The following KALRN variants were observed in gnomAD, a reference collection of about 807,000 sequenced individuals.
KALRN encodes kalirin RhoGEF kinase.
In KALRN, 70 loss-of-function variants were observed where a neutral mutation model predicts 353.7. That is an observed-to-expected ratio of 0.20 (90% confidence interval 0.16 to 0.24). KALRN has a LOEUF of 0.24. Among genes scored for constraint, KALRN ranks in the 10% least tolerant of loss-of-function variants. The pLI is 1.00. For missense variants in KALRN, 2,791 were observed against 3,756.7 expected, an observed-to-expected ratio of 0.74 and a Z score of 6.72; for synonymous variants, 1,391 against 1,434.8, an observed-to-expected ratio of 0.97 and a Z score of 0.69.
Position 124,697,613 on chromosome 3 carries a change from C to A in KALRN, c.7720C>A (p.Arg2574Ser), listed in dbSNP as rs369528078. The A allele has an allele frequency of 1.2e-6, 2 of 1,609,420 alleles. No individual in the cohort carries two copies. Among genetic ancestry groups the A allele is most frequent in the African/African-American group, 1.3e-5 (1 of 74,714 alleles). ...KVQGVPAAPN[R>S]PIAQERSCTS... ...CATAGGTGTTCCAGCAGCCCCTAAC[C>A]GCCCCATTGCCCAGGAGAGAAGCTG... Residue 2574 changes from arginine to serine, a missense_variant, in exon 55 of 60, where the codon CGC becomes AGC. Coordinates refer to ENST00000682506, the MANE Select transcript of KALRN (RefSeq NM_001388419.1).
At chr3:124,298,226 T>C (rs751531588) in intron 5 of KALRN, among the ~76,000 whole-genome samples, 2 of 152,316 alleles carry the variant, frequency 1.3e-5, no homozygotes, top group Admixed American at 6.5e-5. Flanking sequence ...GTGGTACTTA[T>C]ACTACGCTTA....
At chr3:124,685,393 G>GTGA (rs1475264717) in intron 51 of KALRN, among the ~76,000 whole-genome samples, 8 of 152,122 alleles carry the variant, frequency 5.3e-5, no homozygotes, top group Admixed American at 2.6e-4. Context: ...CAATTGCCCT[G>GTGA]TGAAGTAAGT....
At chr3:124,592,309 C>CAA (rs10575664) in intron 34 of KALRN, among the ~76,000 whole-genome samples, 9 of 120,652 alleles carry the variant, frequency 7.5e-5, no homozygotes, top group African/African-American at 1.2e-4. Context: ...CTCAAAGAAA[C>CAA]AAAAAAAAAA....
intron 5 of KALRN, among the ~76,000 whole-genome samples, chr3:124,291,176 G>A (rs1399719372): frequency 6.6e-6 from 1 of 152,196 alleles, no homozygotes. Flanking sequence ...TGTAGGAGCT[G>A]CCATGGCTTA....
At chr3:124,357,771 A>G (rs1341195818) in intron 10 of KALRN, among the ~76,000 whole-genome samples, 1 of 152,140 alleles carries the variant, frequency 6.6e-6, no homozygotes, top group Non-Finnish European at 1.5e-5. Flanking sequence ...TATCCTCACT[A>G]TCTGGCTGGA....
At chr3:124,709,196 A>G (rs1037969340) in intron 57 of KALRN, among the ~76,000 whole-genome samples, 1 of 152,226 alleles carries the variant, frequency 6.6e-6, no homozygotes, top group Non-Finnish European at 1.5e-5. Flanking sequence ...AAAAGATAAT[A>G]TTGAAATTAC....
At chr3:124,053,440 C>T (rs982766642) in intron 1 of KALRN, among the ~76,000 whole-genome samples, 1 of 152,154 alleles carries the variant, frequency 6.6e-6, no homozygotes, top group Non-Finnish European at 1.5e-5. Context: ...AAGTCTCAGA[C>T]AATCTCCAGG....
rs115058977 is a variant in KALRN, at chr3:124,582,317, A to C, written c.5182+19228A>C. ...ATTACAAGCGTGAGCCACTGCGCCC[A>C]GCCAACATGAGCAATTTGAACTGTA... On this transcript the variant is annotated intron_variant, in intron 34 of 59. Coordinates refer to ENST00000682506, the MANE Select transcript of KALRN (RefSeq NM_001388419.1). 7.9e-3 allele frequency among the ~76,000 whole-genome samples: 1,199 copies of C among 152,300 alleles called. 15 individuals carry two copies. The highest frequency in any genetic ancestry group is 0.026 in the African/African-American group (1,065 of 41,562).
chr3:124,073,265 T>G (rs2060107100), intron 1 of KALRN, among the ~76,000 whole-genome samples: 1 of 152,190 alleles, frequency 6.6e-6, no homozygotes, highest in Admixed American at 6.5e-5. Context: ...CCCTTTACCT[T>G]GTGGGTTAAT....
intron 34 of KALRN, among the ~76,000 whole-genome samples, chr3:124,602,215 T>G (rs2076881373): frequency 6.6e-6 from 1 of 152,134 alleles, no homozygotes; most frequent in South Asian, 2.1e-4. Context: ...ATATAGACCT[T>G]CATGTTCAGT....
chr3:124,545,841 A>G (rs2069573941), intron 33 of KALRN, among the ~76,000 whole-genome samples: 1 of 152,206 alleles, frequency 6.6e-6, no homozygotes, highest in African/African-American at 2.4e-5. Flanking sequence ...ACATTATTTT[A>G]GATAAGGACA....
intron 57 of KALRN, among the ~76,000 whole-genome samples, chr3:124,709,732 G>A (rs1231017865): frequency 1.3e-5 from 2 of 152,156 alleles, no homozygotes; most frequent in African/African-American, 4.8e-5. Flanking sequence ...CAGAAAGAGA[G>A]AATAGAACAA....
Position 124,033,459 on chromosome 3 carries a change from C to T in KALRN, c.-282C>T, listed in dbSNP as rs1465413754. On this transcript the variant is annotated 5_prime_UTR_variant, in exon 1 of 60. Coordinates refer to ENST00000682506, the MANE Select transcript of KALRN (RefSeq NM_001388419.1). This position sits in a 1 kb window ranked among gnomAD's most constrained non-coding sequence, Gnocchi z 6.2. ...AGGCAGCCCGCACCCCGGCCCCGGG[C>T]CCCGGCCCCAGCCAGACAGCAGGCG... is the stretch of plus-strand genomic sequence containing the variant. Among the ~76,000 whole-genome samples the T allele has an allele frequency of 6.6e-6, 1 of 151,906 alleles. No individual in the cohort carries two copies. Among genetic ancestry groups the T allele is most frequent in the Non-Finnish European group, 1.5e-5 (1 of 67,928 alleles).
intron 1 of KALRN, among the ~76,000 whole-genome samples, chr3:124,074,125 G>C (rs754366684): frequency 3.9e-5 from 6 of 152,010 alleles, no homozygotes; most frequent in East Asian, 1.9e-4. Flanking sequence ...GGCTAGGCAG[G>C]GGGTGCTGAG....
In KALRN at chr3:124,334,143, T is replaced by A; in HGVS notation, c.1417-122T>A. ...AGCTCTGGCTGGCTAGGTGTCTGGG[T>A]ATGGAATGCCTGAGATTCTCAGAAG... On this transcript the variant is annotated intron_variant, in intron 8 of 59. Transcript: ENST00000682506. The surrounding 1 kb of genome is among the most constrained non-coding windows in gnomAD (Gnocchi z 4.2). 1 of 815,804 alleles carries A rather than the reference T, an allele frequency of 1.2e-6. No homozygotes were observed. Among genetic ancestry groups the A allele is most frequent in the Non-Finnish European group, 2.0e-6 (1 of 491,452 alleles). 50.5% of individuals were successfully genotyped at this position (815,804 alleles called of 1,614,324 possible). A position where few individuals can be genotyped will look rare whatever the true frequency, so the allele number is the denominator to read the frequency against.
chr3:124,438,416 A>G (rs1295226789), intron 17 of KALRN, among the ~76,000 whole-genome samples: 2 of 152,078 alleles, frequency 1.3e-5, no homozygotes, highest in Non-Finnish European at 2.9e-5. Context: ...GATGACATTC[A>G]TTTATGGCCT....
chr3:124,661,310 C>T (rs1372583501), intron 44 of KALRN, among the ~76,000 whole-genome samples: 2 of 152,188 alleles, frequency 1.3e-5, no homozygotes, highest in Non-Finnish European at 2.9e-5. Flanking sequence ...CAATTTTATT[C>T]GTGAAGGCAA....
chr3:124,560,008 C>G (rs891160006), intron 33 of KALRN, among the ~76,000 whole-genome samples: 1 of 152,192 alleles, frequency 6.6e-6, no homozygotes, highest in Non-Finnish European at 1.5e-5. Context: ...ACTAGGCAGC[C>G]TACAGGAGGC....
At chr3:124,355,621 G>C (rs959624726) in intron 10 of KALRN, among the ~76,000 whole-genome samples, 1 of 151,312 alleles carries the variant, frequency 6.6e-6, no homozygotes, top group African/African-American at 2.4e-5. Flanking sequence ...GAAGTGCCTT[G>C]TGATGTAGTG....
Sources: allele counts gnomAD v4.1 joint callset (sites outside exome capture counted in the v4.1 genomes callset), GRCh38; gene constraint gnomAD v4.1.1; non-coding constraint Gnocchi (gnomAD v3.1); transcripts MANE v1.5; gene names NCBI Gene and HGNC (gene_info 2026-07-23, HGNC 2026-07-21).